Variants in PLCB1 observed in about 807,000 individuals in gnomAD.
PLCB1 encodes phospholipase C beta 1.
A neutral mutation model predicts 161.8 loss-of-function variants in PLCB1; 46 were observed. The ratio of observed to expected loss-of-function variants is 0.28; its 90% CI spans 0.22 to 0.36. PLCB1 has a LOEUF of 0.36. Ranked by LOEUF, PLCB1 falls within the 10% of genes least tolerant of loss-of-function variation. The pLI is 1.00. For missense variants in PLCB1, 1,016 were observed against 1,472.5 expected (o/e 0.69, Z 5.07); for synonymous variants, 517 against 503.7 (o/e 1.03, Z -0.35).
intron 2 of PLCB1, among the ~76,000 whole-genome samples, chr20:8,370,871 G>A (rs1030277884): frequency 1.3e-5 from 2 of 152,154 alleles, no homozygotes; most frequent in Admixed American, 6.5e-5. Context: ...TCAATGATGG[G>A]TAATGATTAA....
chr20:8,427,918 G>C (rs1979855867), intron 3 of PLCB1, among the ~76,000 whole-genome samples: 1 of 152,134 alleles, frequency 6.6e-6, no homozygotes, highest in Non-Finnish European at 1.5e-5. Context: ...TGTGTAACAG[G>C]GTCTATGTGA....
At chr20:8,212,283 G>A (rs1011890095) in intron 2 of PLCB1, among the ~76,000 whole-genome samples, 42 of 152,106 alleles carry the variant, frequency 2.8e-4, no homozygotes, top group African/African-American at 8.7e-4. Context: ...ATAAATACAT[G>A]AGAACTCAAT....
At chr20:8,516,282 C>A (rs1219627807) in intron 3 of PLCB1, among the ~76,000 whole-genome samples, 1 of 152,184 alleles carries the variant, frequency 6.6e-6, no homozygotes, top group Non-Finnish European at 1.5e-5. Flanking sequence ...CACATTCAAC[C>A]ATGACAGCAC....
chr20:8,727,128 C>T (rs1181378957), intron 16 of PLCB1, among the ~76,000 whole-genome samples, 181 bp from the exon 17 acceptor site: 1 of 151,924 alleles, frequency 6.6e-6, no homozygotes, highest in Non-Finnish European at 1.5e-5. Context: ...TAACAAGACT[C>T]AACTTTTGTT....
intron 3 of PLCB1, among the ~76,000 whole-genome samples, chr20:8,445,880 T>A (rs1165447636): frequency 6.6e-6 from 1 of 152,190 alleles, no homozygotes; most frequent in African/African-American, 2.4e-5. Flanking sequence ...ATGCTTGTGA[T>A]TTTTGCACGT....
At chr20:8,682,193 A>G (rs1990238859) in intron 9 of PLCB1, among the ~76,000 whole-genome samples, 1 of 152,170 alleles carries the variant, frequency 6.6e-6, no homozygotes, top group African/African-American at 2.4e-5. Context: ...AGAAATAGAG[A>G]TTCTGGTGTG....
At chr20:8,420,437 T>C (rs1229384325) in intron 3 of PLCB1, among the ~76,000 whole-genome samples, 6 of 152,208 alleles carry the variant, frequency 3.9e-5, no homozygotes, top group African/African-American at 1.2e-4. Flanking sequence ...GTTACATGGA[T>C]GTGTTGCATG....
intron 2 of PLCB1, among the ~76,000 whole-genome samples, chr20:8,289,677 G>A (rs1474744512): frequency 6.6e-6 from 1 of 152,152 alleles, no homozygotes; most frequent in East Asian, 1.9e-4. Flanking sequence ...GGTTGACCAG[G>A]CTAACAAGTA....
intron 31 of PLCB1, among the ~76,000 whole-genome samples, chr20:8,850,501 G>T (rs984736623): frequency 2.6e-5 from 4 of 152,148 alleles, no homozygotes; most frequent in African/African-American, 9.7e-5. Flanking sequence ...GAAAAAATAG[G>T]AATAAAGTTG....
intron 27 of PLCB1, among the ~76,000 whole-genome samples, chr20:8,786,495 G>A (rs544807902): frequency 1.3e-5 from 2 of 152,222 alleles, no homozygotes; most frequent in Non-Finnish European, 2.9e-5. Context: ...TGTGGATTCC[G>A]TATCGTAATT....
At chr20:8,170,277 T>C (rs1041821391) in intron 2 of PLCB1, among the ~76,000 whole-genome samples, 1 of 152,212 alleles carries the variant, frequency 6.6e-6, no homozygotes, top group African/African-American at 2.4e-5. Flanking sequence ...TTCTTTCTTT[T>C]TTTTTAAATA....
At chr20:8,293,183 C>G (rs1027840701) in intron 2 of PLCB1, among the ~76,000 whole-genome samples, 1 of 152,132 alleles carries the variant, frequency 6.6e-6, no homozygotes, top group Non-Finnish European at 1.5e-5. Context: ...CTAAGTTTTG[C>G]TTGGTAGCTT....
chr20:8,530,332 A>G (rs982741608), intron 3 of PLCB1, among the ~76,000 whole-genome samples: 5 of 152,102 alleles, frequency 3.3e-5, no homozygotes, highest in Non-Finnish European at 7.4e-5. Flanking sequence ...TCTAAAGTAA[A>G]TATTTAAGAC....
intron 1 of PLCB1, chr20:8,141,803 T>C (rs1372297375): frequency 6.6e-6 from 1 of 152,298 alleles, no homozygotes; most frequent in Non-Finnish European, 1.5e-5. Flanking sequence ...ACTCTTTATA[T>C]CTGTTACTCC....
At chr20:8,650,861 A>G (rs1176929746) in intron 7 of PLCB1, among the ~76,000 whole-genome samples, 1 of 152,110 alleles carries the variant, frequency 6.6e-6, no homozygotes, top group African/African-American at 2.4e-5. Context: ...GGGGTGCAGG[A>G]TCTAAACAGT....
chr20:8,701,804 C>T (rs1286978522), intron 11 of PLCB1, among the ~76,000 whole-genome samples: 1 of 152,170 alleles, frequency 6.6e-6, no homozygotes, highest in Non-Finnish European at 1.5e-5. Context: ...TTCAGTCTTT[C>T]TTGCCTCTGC....
chr20:8,661,334 T>A (rs532938431), intron 9 of PLCB1, among the ~76,000 whole-genome samples: 10 of 152,214 alleles, frequency 6.6e-5, no homozygotes, highest in African/African-American at 2.2e-4. Context: ...CAGAAAAATT[T>A]TGGCTAATGC....
At chr20:8,834,821 A>G (rs1600369164) in intron 31 of PLCB1, among the ~76,000 whole-genome samples, 1 of 77,500 alleles carries the variant, frequency 1.3e-5, no homozygotes. Flanking sequence ...AAAAAAAAAA[A>G]AAAAAAAAAA....
chr20:8,664,053 T>G (rs553934534), intron 9 of PLCB1, among the ~76,000 whole-genome samples: 5 of 152,158 alleles, frequency 3.3e-5, no homozygotes, highest in Non-Finnish European at 7.4e-5. Context: ...TTAAATAAAC[T>G]GCCAAACCAA....
Sources: allele counts gnomAD v4.1 joint callset (sites outside exome capture counted in the v4.1 genomes callset), GRCh38; gene constraint gnomAD v4.1.1; transcripts MANE v1.5; gene names NCBI Gene and HGNC (gene_info 2026-07-23, HGNC 2026-07-21).